ARL8A: variants seen among roughly 807,000 people sequenced by gnomAD.
The protein encoded by ARL8A is ADP-ribosylation factor-like protein 8A.
A neutral mutation model predicts 31.2 loss-of-function variants in ARL8A; 10 were observed. That is an observed-to-expected ratio of 0.32 (90% CI 0.20 to 0.54). The LOEUF (loss-of-function observed/expected upper bound fraction) is 0.54, where lower values mean the gene tolerates loss of function less well. ARL8A is among the 20% of genes least tolerant of loss of function. The pLI is 0.93. For synonymous variants in ARL8A, 70 were observed against 86.9 expected (o/e 0.81, Z 1.08); for missense variants, 129 against 242.8 (o/e 0.53, Z 3.12).
intron 3 of ARL8A, among the ~76,000 whole-genome samples, chr1:202,137,330 A>C (rs1235940158): frequency 6.6e-6 from 1 of 152,126 alleles, no homozygotes; most frequent in Non-Finnish European, 1.5e-5. Flanking sequence ...GCCAAAAAAA[A>C]CATTATTTTT....
rs58226141 is a variant in ARL8A at position 202,143,564 on chromosome 1, G to A, written c.123+886C>T. The stretch of plus-strand genomic sequence containing the variant: ...CTGACAGGCAGGCCGCAGCCATTAC[G>A]GCAGCCTCAGCTCACACCCATGGAG... On this transcript the variant is annotated intron_variant, in intron 1 of 6. Coordinates refer to ENST00000272217, the MANE Select transcript of ARL8A (RefSeq NM_138795.4). Among the ~76,000 whole-genome samples, 8 of 152,104 alleles carry A rather than the reference G, an allele frequency of 5.3e-5. No homozygotes were observed. In the South Asian group the frequency reaches 8.3e-4, roughly 16 times the overall value.
Position 202,144,451 on chromosome 1 carries a change from G to A in ARL8A, c.122C>T (p.Ala41Val), listed in dbSNP as rs772084184. Residue 41 changes from alanine to valine, a missense_variant and splice_region_variant, in exon 1 of 7, where the codon GCG becomes GTG. Transcript: ENST00000272217. The surrounding 1 kb of genome is among the most constrained non-coding windows in gnomAD (Gnocchi z 5.2). ...ACCCCGCGCCCGACGCCCTCGTACC[G>A]CGATCACGTTGACGAAGGTGGTCTT... ...SGKTTFVNVI[A>V]SGQFNEDMIP... 2 of 1,434,090 alleles carry A rather than the reference G, an allele frequency of 1.4e-6. No individual in the cohort carries two copies. Among genetic ancestry groups the A allele is most frequent in the East Asian group, 3.5e-5 (1 of 28,204 alleles). 88.8% of individuals were successfully genotyped at this position (1,434,090 alleles called of 1,614,324 possible).
At chr1:202,136,168 T>C (rs1160191637) in intron 3 of ARL8A, among the ~76,000 whole-genome samples, 1 of 152,228 alleles carries the variant, frequency 6.6e-6, no homozygotes, top group African/African-American at 2.4e-5. Flanking sequence ...AAGGAAACCT[T>C]AGAAGATTTC....
At position 202,135,136 on chromosome 1, in the gene ARL8A, C is replaced by T. The variant is rs1654969769; in HGVS notation, c.511+14G>A. 6.2e-7 allele frequency: 1 copy of T among 1,611,764 alleles called. No homozygotes were observed. ...TGCCTCTCCCCTCTCCTCCCTTTCC[C>T]CCATCCTACGCACCAATGTTGTCCT... On this transcript the variant is annotated intron_variant, in intron 6 of 6. Coordinates refer to ENST00000272217, the MANE Select transcript of ARL8A (RefSeq NM_138795.4). The surrounding 1 kb of genome is among the most constrained non-coding windows in gnomAD (Gnocchi z 5.3).
chr1:202,135,849 A>AG lies in ARL8A; in HGVS notation c.279-50dup. 6.7e-7 allele frequency: 1 copy of AG among 1,488,182 alleles called. No homozygotes were observed. The highest frequency in any genetic ancestry group is 9.4e-7 in the Non-Finnish European group (1 of 1,065,906). The allele number at this position is 1,488,182 out of a possible 1,614,324, so 92.2% of individuals were successfully genotyped here. Reference sequence around the variant, plus strand: ...ACAAGCATGTTGACACCACAGGCTGAGGTGGTGCAAGGAAGAGAAGGAGCT... The same window carrying AG: ...ACAAGCATGTTGACACCACAGGCTGAGGGTGGTGCAAGGAAGAGAAGGAGCT... On this transcript the variant is annotated intron_variant, in intron 3 of 6. Transcript: ENST00000272217. This position sits in a 1 kb window ranked among gnomAD's most constrained non-coding sequence, Gnocchi z 5.3.
intron 1 of ARL8A, among the ~76,000 whole-genome samples, chr1:202,143,425 C>T (rs969862311): frequency 6.6e-6 from 1 of 152,178 alleles, no homozygotes; most frequent in African/African-American, 2.4e-5. Flanking sequence ...TGGTTACTAT[C>T]TGGCCAACTC....
In ARL8A at chr1:202,138,099, G is replaced by A. The variant is rs1399451470; in HGVS notation, c.205-61C>T. On this transcript the variant is annotated intron_variant, in intron 2 of 6. Coordinates refer to ENST00000272217, the MANE Select transcript of ARL8A (RefSeq NM_138795.4). This position sits in a 1 kb window ranked among gnomAD's most constrained non-coding sequence, Gnocchi z 4.4. ...GGCAGGCCACCAAAACGTGTCTTGGGTCTCAAATGCCCCCTCCTACCCTGC... is the reference window on the plus strand; with the variant it reads ...GGCAGGCCACCAAAACGTGTCTTGGATCTCAAATGCCCCCTCCTACCCTGC... 1 of 1,585,404 alleles carries A rather than the reference G, an allele frequency of 6.3e-7. No homozygotes were observed. Among genetic ancestry groups the A allele is most frequent in the Non-Finnish European group, 8.6e-7 (1 of 1,156,316 alleles).
chr1:202,144,447 T>C lies in ARL8A; in HGVS notation c.123+3A>G. On this transcript the variant is annotated splice_donor_region_variant and intron_variant, in intron 1 of 6. Transcript: ENST00000272217. The surrounding 1 kb of genome is among the most constrained non-coding windows in gnomAD (Gnocchi z 5.2). ...GGGGACCCCGCGCCCGACGCCCTCG[T>C]ACCGCGATCACGTTGACGAAGGTGG... 1 of 1,430,468 alleles carries C rather than the reference T, an allele frequency of 7.0e-7. No homozygotes were observed. The highest frequency in any genetic ancestry group is 9.4e-7 in the Non-Finnish European group (1 of 1,068,064). The allele number at this position is 1,430,468 out of a possible 1,614,324, so 88.6% of individuals were successfully genotyped here.
Position 202,135,235 on chromosome 1 carries a change from A to C in ARL8A, c.441-15T>G. On this transcript the variant is annotated splice_polypyrimidine_tract_variant and intron_variant, in intron 5 of 6. Coordinates refer to ENST00000272217, the MANE Select transcript of ARL8A (RefSeq NM_138795.4). This position sits in a 1 kb window ranked among gnomAD's most constrained non-coding sequence, Gnocchi z 5.3. ...CAGACAGATTCCTGGGGGAAACCAG[A>C]GTAGAGTCCGCTGAGGCTACGAACG... 6.2e-7 allele frequency: 1 copy of C among 1,612,362 alleles called. No individual in the cohort carries two copies.
intron 1 of ARL8A, among the ~76,000 whole-genome samples, chr1:202,140,430 C>T (rs187662811): frequency 1.3e-5 from 2 of 152,048 alleles, no homozygotes; most frequent in Admixed American, 6.6e-5. Flanking sequence ...CGTGAGCCAC[C>T]GCGCCCAGCC....
At chr1:202,141,044 C>A (rs926169453) in intron 1 of ARL8A, among the ~76,000 whole-genome samples, 3 of 152,194 alleles carry the variant, frequency 2.0e-5, no homozygotes, top group Non-Finnish European at 2.9e-5. Context: ...GATCCACAGG[C>A]TACCAAGTAA....
At position 202,135,913 on chromosome 1, in the gene ARL8A, C is replaced by T; in HGVS notation, c.279-113G>A. On this transcript the variant is annotated intron_variant, in intron 3 of 6. Transcript: ENST00000272217. This position sits in a 1 kb window ranked among gnomAD's most constrained non-coding sequence, Gnocchi z 5.3. ...GAAAGCATCTGTTGCAGCTTGGTCA[C>T]CTCGGGATCCATGGGCTACCTGGCC... 1.0e-6 allele frequency: 1 copy of T among 982,230 alleles called. No individual in the cohort carries two copies. Among genetic ancestry groups the T allele is most frequent in the Non-Finnish European group, 1.6e-6 (1 of 631,434 alleles). 60.8% of individuals were successfully genotyped at this position (982,230 alleles called of 1,614,324 possible). A position where few individuals can be genotyped will look rare whatever the true frequency, so the allele number is the denominator to read the frequency against.
chr1:202,137,898 C>T, intron 3 of ARL8A, 67 bp downstream of exon 3: 2 of 1,571,396 alleles, frequency 1.3e-6, no homozygotes, highest in Non-Finnish European at 1.7e-6. Context: ...CTCTGAGGTC[C>T]TCGAAGGTAG....
At chr1:202,140,514 C>A (rs1176490397) in intron 1 of ARL8A, among the ~76,000 whole-genome samples, 1 of 152,166 alleles carries the variant, frequency 6.6e-6, no homozygotes, top group Non-Finnish European at 1.5e-5. Context: ...GTACCCAGGA[C>A]TGACACCCAA....
At chr1:202,137,455 C>T (rs1308663013) in intron 3 of ARL8A, among the ~76,000 whole-genome samples, 1 of 152,116 alleles carries the variant, frequency 6.6e-6, no homozygotes, top group Non-Finnish European at 1.5e-5. Context: ...TGGAGAAACC[C>T]TGTCTCTACT....
In ARL8A at chr1:202,134,191, G is replaced by A. The variant is rs1654939990; in HGVS notation, c.*276C>T. On this transcript the variant is annotated 3_prime_UTR_variant, in exon 7 of 7. Coordinates refer to ENST00000272217, the MANE Select transcript of ARL8A (RefSeq NM_138795.4). The surrounding 1 kb of genome is among the most constrained non-coding windows in gnomAD (Gnocchi z 4.2). ...CGGGGAAAAGCCAGGGGCGGGGGCT[G>A]TGGCCCAGGGCTGCTGGGAGGGAGG... is the stretch of plus-strand genomic sequence containing the variant. 4.0e-6 allele frequency: 2 copies of A among 501,644 alleles called. No homozygotes were observed. Among genetic ancestry groups the A allele is most frequent in the Admixed American group, 3.4e-5 (1 of 29,686 alleles). 31.1% of individuals were successfully genotyped at this position (501,644 alleles called of 1,614,324 possible).
chr1:202,141,869 CTTT>C (rs201744664), intron 1 of ARL8A, among the ~76,000 whole-genome samples: 1 of 146,994 alleles, frequency 6.8e-6, no homozygotes. Flanking sequence ...TTTTAGGTTC[CTTT>C]TTTTTTTTTG....
chr1:202,144,366 C>T lies in ARL8A; in HGVS notation c.123+84G>A. 2 of 961,240 alleles carry T rather than the reference C, an allele frequency of 2.1e-6. No homozygotes were observed. Among genetic ancestry groups the T allele is most frequent in the Non-Finnish European group, 2.5e-6 (2 of 801,746 alleles). The allele number at this position is 961,240 out of a possible 1,614,324, so 59.5% of individuals were successfully genotyped here. ...TGCCCGGCTATGCCAGGCGGCGACC[C>T]CGGCTCAGCAGGGCGCGGCGCGGGC... is the stretch of plus-strand genomic sequence containing the variant. On this transcript the variant is annotated intron_variant, in intron 1 of 6. Transcript: ENST00000272217. This position sits in a 1 kb window ranked among gnomAD's most constrained non-coding sequence, Gnocchi z 5.2.
chr1:202,138,339 C>A lies in ARL8A; in HGVS notation c.204+29G>T, dbSNP rs763829478. 3 of 1,595,538 alleles carry A rather than the reference C, an allele frequency of 1.9e-6. No homozygotes were observed. The highest frequency in any genetic ancestry group is 1.7e-6 in the Non-Finnish European group (2 of 1,167,144). ...CACACACACACACAAAAACAGTCCT[C>A]TGCACCCCCCAAGCTTCTGGGCCCT... On this transcript the variant is annotated intron_variant, in intron 2 of 6. Transcript: ENST00000272217. The surrounding 1 kb of genome is among the most constrained non-coding windows in gnomAD (Gnocchi z 4.4).
Sources: gnomAD v4.1 joint callset for allele counts (sites outside exome capture counted in the v4.1 genomes callset) on GRCh38, gnomAD v4.1.1 for gene constraint, Gnocchi (gnomAD v3.1) non-coding constraint, MANE v1.5 for transcripts, NCBI Gene and HGNC (gene_info 2026-07-23, HGNC 2026-07-21) for gene names.